The following PAIP2B variants were observed in gnomAD, a reference collection of about 807,000 sequenced individuals.
The protein encoded by PAIP2B is polyadenylate-binding protein-interacting protein 2B.
Under a neutral mutation model 17.0 loss-of-function variants are expected in PAIP2B, and 13 were observed. The ratio of observed to expected loss-of-function variants is 0.76; its 90% CI spans 0.50 to 1.22. The LOEUF (loss-of-function observed/expected upper bound fraction) is 1.22, where lower values mean the gene tolerates loss of function less well. Ranked by LOEUF, PAIP2B falls within the 50% of genes most tolerant of loss-of-function variation. PAIP2B has a pLI of 0.00. For synonymous variants in PAIP2B, 43 were observed against 48.7 expected, an observed-to-expected ratio of 0.88 and a Z score of 0.48; for missense variants, 117 against 144.5, an observed-to-expected ratio of 0.81 and a Z score of 0.98.
In PAIP2B at chr2:71,188,362, C is replaced by G; in HGVS notation, c.*117G>C. ...GAGTCACAGTATTGTGAGACCACCA[C>G]TCCCCTTCCCGCTGTGCACCCCTCG... is the stretch of plus-strand genomic sequence containing the variant. On this transcript the variant is annotated 3_prime_UTR_variant, in exon 4 of 4. Coordinates refer to ENST00000244221, the MANE Select transcript of PAIP2B (RefSeq NM_020459.1). 1.3e-6 allele frequency: 1 copy of G among 760,784 alleles called. No homozygotes were observed. The highest frequency in any genetic ancestry group is 2.2e-6 in the Non-Finnish European group (1 of 448,256). The allele number at this position is 760,784 out of a possible 1,614,324, so 47.1% of individuals were successfully genotyped here. A position where few individuals can be genotyped will look rare whatever the true frequency, so the allele number is the denominator to read the frequency against.
At chr2:71,204,144 A>AT (rs1372426950) in intron 1 of PAIP2B, among the ~76,000 whole-genome samples, 1 of 150,996 alleles carries the variant, frequency 6.6e-6, no homozygotes, top group African/African-American at 2.4e-5. Context: ...AGTTTTATAG[A>AT]TTTTGTAACT....
At chr2:71,207,345 C>A (rs886789344) in intron 1 of PAIP2B, among the ~76,000 whole-genome samples, 1 of 152,042 alleles carries the variant, frequency 6.6e-6, no homozygotes, top group Non-Finnish European at 1.5e-5. Context: ...TTTTCGGGAA[C>A]TACAAGAAGG....
intron 1 of PAIP2B, among the ~76,000 whole-genome samples, chr2:71,210,807 T>C (rs1271656814): frequency 6.6e-6 from 1 of 152,202 alleles, no homozygotes; most frequent in East Asian, 1.9e-4. Flanking sequence ...ACCTATAAGT[T>C]TGCCCCACTG....
rs1246039903 is a variant in PAIP2B at position 71,188,174 on chromosome 2, T to A, written c.*305A>T. On this transcript the variant is annotated 3_prime_UTR_variant, in exon 4 of 4. Transcript: ENST00000244221. ...TCTTAGTCAGCTTATTTTGTTTAAA[T>A]ACACACCGCGGAACACTTCTGATGA... The A allele has an allele frequency of 2.8e-6, 1 of 355,098 alleles. No individual in the cohort carries two copies. The highest frequency in any genetic ancestry group is 2.1e-5 in the African/African-American group (1 of 48,046). The allele number at this position is 355,098 out of a possible 1,614,324, so 22.0% of individuals were successfully genotyped here.
intron 1 of PAIP2B, 141 bp downstream of exon 1, chr2:71,226,787 C>T (rs920394117): frequency 6.6e-6 from 1 of 152,334 alleles, no homozygotes; most frequent in South Asian, 2.1e-4. Context: ...CGCTTTCCCT[C>T]CCTACAGGAG....
intron 2 of PAIP2B, 69 bp from the exon 3 acceptor site, chr2:71,190,090 C>T: frequency 1.4e-6 from 2 of 1,428,276 alleles, no homozygotes; most frequent in Non-Finnish European, 1.9e-6. Flanking sequence ...GTTTTTCCTC[C>T]ACCTCTTTCC....
chr2:71,203,412 T>C (rs13034890), intron 1 of PAIP2B, among the ~76,000 whole-genome samples: 18,576 of 152,086 alleles, frequency 0.12, 1,736 homozygotes, highest in East Asian at 0.57. Context: ...GGAGAGTATG[T>C]TCTCTTTTCT....
intron 2 of PAIP2B, among the ~76,000 whole-genome samples, chr2:71,200,615 G>A (rs149975325): frequency 2.0e-3 from 306 of 152,220 alleles, no homozygotes; most frequent in African/African-American, 7.0e-3. Flanking sequence ...TGCCAGGGAT[G>A]GTGACACATG....
intron 1 of PAIP2B, among the ~76,000 whole-genome samples, chr2:71,204,397 A>G (rs1461385763): frequency 9.9e-5 from 15 of 152,236 alleles, no homozygotes; most frequent in African/African-American, 3.6e-4. Flanking sequence ...AGTTCTCTTT[A>G]AAGGTTTTTT....
chr2:71,191,853 T>C (rs1356202736), intron 2 of PAIP2B, among the ~76,000 whole-genome samples: 1 of 152,216 alleles, frequency 6.6e-6, no homozygotes, highest in Admixed American at 6.5e-5. Context: ...TCCAGAATGC[T>C]TACCTTGGAC....
intron 1 of PAIP2B, among the ~76,000 whole-genome samples, chr2:71,205,738 G>A (rs1002053111): frequency 3.9e-5 from 6 of 152,070 alleles, no homozygotes; most frequent in Admixed American, 2.6e-4. Context: ...TATTTCACTT[G>A]ATCCTCATCC....
intron 2 of PAIP2B, among the ~76,000 whole-genome samples, chr2:71,199,568 GTCC>G (rs1674923539): frequency 6.9e-6 from 1 of 145,488 alleles, no homozygotes; most frequent in Admixed American, 6.9e-5. Flanking sequence ...ACCCAACTGC[GTCC>G]TTTTTTTTTT....
At position 71,183,886 on chromosome 2, in the gene PAIP2B, G is replaced by A. The variant is rs1326680171; in HGVS notation, c.*4593C>T. The A allele has an allele frequency of 6.6e-6, 1 of 152,172 alleles. No homozygotes were observed. The highest frequency in any genetic ancestry group is 1.5e-5 in the Non-Finnish European group (1 of 68,036). 9.4% of individuals were successfully genotyped at this position (152,172 alleles called of 1,614,324 possible). A position where few individuals can be genotyped will look rare whatever the true frequency, so the allele number is the denominator to read the frequency against. On this transcript the variant is annotated 3_prime_UTR_variant, in exon 4 of 4. Transcript: ENST00000244221. ...GGGAAGTTACTAAAATCACTGAAAT[G>A]TACACTTGAAATGGGTGTTTTATGA... is the stretch of plus-strand genomic sequence containing the variant.
intron 1 of PAIP2B, among the ~76,000 whole-genome samples, chr2:71,215,336 C>T (rs1675401144): frequency 6.6e-6 from 1 of 152,070 alleles, no homozygotes; most frequent in Non-Finnish European, 1.5e-5. Context: ...CCCCAGCCTC[C>T]CAAAAAGGTC....
rs58351050 is a variant in PAIP2B, at chr2:71,202,476, C to A, written c.114G>T (p.Glu38Asp). 1.1e-5 allele frequency: 18 copies of A among 1,613,748 alleles called. No individual in the cohort carries two copies. The highest frequency in any genetic ancestry group is 1.5e-5 in the Non-Finnish European group (18 of 1,179,812). ...CCTGTCTGTTGAAATCCTCTTCATTCTCCATCCACATGTACTCTGCAAATG... is the reference window on the plus strand; with the variant it reads ...CCTGTCTGTTGAAATCCTCTTCATTATCCATCCACATGTACTCTGCAAATG... ...ENPFAEYMWMENEEDFNRQVE... is the reference protein window; with the variant it reads ...ENPFAEYMWMDNEEDFNRQVE... The change falls in exon 2 of 4, where the codon GAG becomes GAT. Residue 38 changes from glutamate (E) to aspartate (D), a missense_variant. Glu to Asp is a conservative substitution (Grantham distance 45). Coordinates refer to ENST00000244221, the MANE Select transcript of PAIP2B (RefSeq NM_020459.1).
rs150129122 is a variant in PAIP2B at position 71,209,147 on chromosome 2, C to T, written c.-11-6547G>A. Among the ~76,000 whole-genome samples the T allele has an allele frequency of 5.6e-4, 85 of 151,970 alleles. 1 individual carries two copies. The highest frequency in any genetic ancestry group is 1.4e-3 in the African/African-American group (59 of 41,434). On this transcript the variant is annotated intron_variant, in intron 1 of 3. Transcript: ENST00000244221. ...ATGACCTTAATGAGAGCGGTTTCCA[C>T]GGAAAAAATGAGAATGAAAGCCAAA...
At chr2:71,215,141 C>A (rs1410661962) in intron 1 of PAIP2B, among the ~76,000 whole-genome samples, 3 of 152,254 alleles carry the variant, frequency 2.0e-5, no homozygotes, top group Middle Eastern at 3.4e-3. Context: ...TCACAATAAG[C>A]TGGTGAAAAT....
chr2:71,202,948 A>G (rs1376229321), intron 1 of PAIP2B, among the ~76,000 whole-genome samples: 1 of 152,142 alleles, frequency 6.6e-6, no homozygotes, highest in Non-Finnish European at 1.5e-5. Context: ...CTTCCTTAAC[A>G]TTGAAACAGT....
At chr2:71,198,256 A>T (rs1572925384) in intron 2 of PAIP2B, among the ~76,000 whole-genome samples, 1 of 150,472 alleles carries the variant, frequency 6.6e-6, no homozygotes, top group South Asian at 2.1e-4. Flanking sequence ...AGTAGCTGGG[A>T]TACAGGTGCC....
Sources: gnomAD v4.1 joint callset for allele counts (sites outside exome capture counted in the v4.1 genomes callset) on GRCh38, gnomAD v4.1.1 for gene constraint, MANE v1.5 for transcripts, NCBI Gene and HGNC (gene_info 2026-07-23, HGNC 2026-07-21) for gene names.